The following AAK1 variants were observed in gnomAD, a reference collection of about 807,000 sequenced individuals.
AAK1 encodes AP2 associated kinase 1.
AAK1 carries 37 observed loss-of-function variants against 116.0 expected under a neutral mutation model. The ratio of observed to expected loss-of-function variants is 0.32; its 90% CI spans 0.25 to 0.42. The LOEUF is 0.42. Ranked by LOEUF, AAK1 falls within the 10% of genes least tolerant of loss-of-function variation. The pLI is 1.00. For synonymous variants in AAK1, 458 were observed against 439.9 expected, an observed-to-expected ratio of 1.04 and a Z score of -0.51; for missense variants, 919 against 1,170.6, an observed-to-expected ratio of 0.79 and a Z score of 3.14.
chr2:69,531,787 T>A, intron 6 of AAK1: 3 of 1,209,092 alleles, frequency 2.5e-6, no homozygotes, highest in Non-Finnish European at 3.1e-6. Flanking sequence ...AATCAAAACA[T>A]CTATGTACAA....
chr2:69,467,191 T>C lies in AAK1; in HGVS notation c.*8678A>G. 2.0e-6 allele frequency: 2 copies of C among 985,294 alleles called. No homozygotes were observed. The highest frequency in any genetic ancestry group is 2.4e-6 in the Non-Finnish European group (2 of 829,906). 61.0% of individuals were successfully genotyped at this position (985,294 alleles called of 1,614,324 possible). On this transcript the variant is annotated 3_prime_UTR_variant, in exon 22 of 22. Coordinates refer to ENST00000409085, the MANE Select transcript of AAK1 (RefSeq NM_014911.5). ...CCAAATAAATCACCTTCAGCTGGAG[T>C]TGCCCCAGAATTTTGTTTTCAGTCT...
At chr2:69,495,521 A>T (rs1675703153) in intron 17 of AAK1, among the ~76,000 whole-genome samples, 1 of 152,158 alleles carries the variant, frequency 6.6e-6, no homozygotes, top group African/African-American at 2.4e-5. Flanking sequence ...AATTATCATT[A>T]TGTGTTTTTA....
intron 2 of AAK1, among the ~76,000 whole-genome samples, chr2:69,639,564 A>AG (rs1675609126): frequency 1.3e-5 from 2 of 152,170 alleles, no homozygotes; most frequent in African/African-American, 4.8e-5. Context: ...TGATGCTACC[A>AG]GGGGAGGTAT....
At chr2:69,569,876 G>A (rs6546534) in intron 2 of AAK1, among the ~76,000 whole-genome samples, 21 of 151,892 alleles carry the variant, frequency 1.4e-4, no homozygotes, top group Middle Eastern at 3.4e-3. Context: ...TCTCCCTTAC[G>A]GATGGACACG....
intron 16 of AAK1, among the ~76,000 whole-genome samples, chr2:69,498,415 GTC>G (rs1249935402): frequency 2.6e-5 from 4 of 151,930 alleles, no homozygotes; most frequent in African/African-American, 4.8e-5. Context: ...ATGCTCTGGG[GTC>G]TACTGGGCAG....
At chr2:69,616,912 G>T (rs1674355019) in intron 2 of AAK1, among the ~76,000 whole-genome samples, 1 of 152,020 alleles carries the variant, frequency 6.6e-6, no homozygotes, top group Non-Finnish European at 1.5e-5. Context: ...CTAACCCCAA[G>T]TTCCCCCAAG....
intron 11 of AAK1, 42 bp from the exon 12 acceptor site, chr2:69,519,282 C>A: frequency 1.4e-6 from 2 of 1,477,916 alleles, no homozygotes; most frequent in Non-Finnish European, 9.0e-7. Context: ...CCAAATGCTT[C>A]CACACAAAAA....
chr2:69,575,351 G>A (rs1672263080), intron 2 of AAK1, among the ~76,000 whole-genome samples: 1 of 151,846 alleles, frequency 6.6e-6, no homozygotes, highest in South Asian at 2.1e-4. Flanking sequence ...CACTTGCTAG[G>A]GGCACAAAAT....
chr2:69,546,741 G>C (rs1670941176), intron 3 of AAK1, among the ~76,000 whole-genome samples: 3 of 152,090 alleles, frequency 2.0e-5, no homozygotes, highest in Admixed American at 2.0e-4. Flanking sequence ...AAGAGGTGGG[G>C]CCTTTAGGAG....
At chr2:69,498,097 C>T (rs967002340) in intron 16 of AAK1, among the ~76,000 whole-genome samples, 16 of 142,606 alleles carry the variant, frequency 1.1e-4, no homozygotes, top group African/African-American at 3.6e-4. Flanking sequence ...TTCTCAATGA[C>T]CCCTGAATCC....
chr2:69,588,611 T>C (rs1045647672), intron 2 of AAK1, among the ~76,000 whole-genome samples: 5 of 152,222 alleles, frequency 3.3e-5, no homozygotes, highest in African/African-American at 1.2e-4. Flanking sequence ...TCTGAAACCA[T>C]CTGTGGGTGC....
At chr2:69,513,346 GTCTTGC>G (rs1676462505) in intron 13 of AAK1, among the ~76,000 whole-genome samples, 1 of 151,136 alleles carries the variant, frequency 6.6e-6, no homozygotes, top group Non-Finnish European at 1.5e-5. Context: ...TTGAGATGGA[GTCTTGC>G]TCTGTGGCCC....
intron 11 of AAK1, chr2:69,520,133 A>G (rs1262806993): frequency 4.3e-6 from 1 of 232,576 alleles, no homozygotes. Flanking sequence ...TTTAATTAAC[A>G]GAACAGGGAA....
chr2:69,544,658 C>G (rs779169477), intron 3 of AAK1, 114 bp from the exon 4 acceptor site: 1 of 765,056 alleles, frequency 1.3e-6, no homozygotes, highest in Non-Finnish European at 2.1e-6. Flanking sequence ...ACAGTGTTGA[C>G]AGAGAAGACT....
intron 2 of AAK1, among the ~76,000 whole-genome samples, chr2:69,594,384 T>A (rs77119032): frequency 6.6e-6 from 1 of 152,280 alleles, no homozygotes; most frequent in Admixed American, 6.5e-5. Flanking sequence ...AGAAAACGTA[T>A]CAAAATTTGA....
chr2:69,519,666 G>A (rs1669675958), intron 11 of AAK1, among the ~76,000 whole-genome samples: 1 of 152,140 alleles, frequency 6.6e-6, no homozygotes, highest in Non-Finnish European at 1.5e-5. Context: ...TAAGTAGATG[G>A]CCACCAAATT....
intron 16 of AAK1, among the ~76,000 whole-genome samples, chr2:69,504,490 G>A (rs1676103610): frequency 6.6e-6 from 1 of 151,460 alleles, no homozygotes; most frequent in South Asian, 2.1e-4. Flanking sequence ...TCATATGGCT[G>A]GGCATGGTGG....
Position 69,504,698 on chromosome 2 carries a change from C to T in AAK1, c.2269+871G>A, listed in dbSNP as rs569088445. ...GGGAGAATCACTTGAACCCAGGAGG[C>T]GGCGGTTGCAGTGAGCCAAGATTGA... is the stretch of plus-strand genomic sequence containing the variant. On this transcript the variant is annotated intron_variant, in intron 16 of 21. Coordinates refer to ENST00000409085, the MANE Select transcript of AAK1 (RefSeq NM_014911.5). Among the ~76,000 whole-genome samples the T allele has an allele frequency of 2.6e-5, 4 of 152,006 alleles. No individual in the cohort carries two copies. The South Asian group carries it at 8.3e-4, about 32-fold the overall frequency.
At chr2:69,552,827 C>T (rs1572950330) in intron 3 of AAK1, among the ~76,000 whole-genome samples, 3 of 151,696 alleles carry the variant, frequency 2.0e-5, no homozygotes, top group Non-Finnish European at 4.4e-5. Context: ...GGTTTGACAC[C>T]AAACGCACAA....
Sources: gnomAD v4.1 joint callset for allele counts (sites outside exome capture counted in the v4.1 genomes callset) on GRCh38, gnomAD v4.1.1 for gene constraint, MANE v1.5 for transcripts, NCBI Gene and HGNC (gene_info 2026-07-23, HGNC 2026-07-21) for gene names.